The following NALF1 variants were observed in gnomAD, a reference collection of about 807,000 sequenced individuals.
The protein encoded by NALF1 is family with sequence similarity 155 member A.
NALF1 carries 3 observed loss-of-function variants against 48.4 expected under a neutral mutation model. That is an observed-to-expected ratio of 0.06 (90% CI 0.03 to 0.16). The LOEUF is 0.16. NALF1 is among the 10% of genes least tolerant of loss of function. The pLI is 1.00. For missense variants in NALF1, 526 were observed against 571.5 expected (o/e 0.92, Z 0.81); for synonymous variants, 262 against 245.7 (o/e 1.07, Z -0.62).
chr13:107,276,072 G>T (rs1410324778), intron 1 of NALF1, among the ~76,000 whole-genome samples: 4 of 152,092 alleles, frequency 2.6e-5, no homozygotes, highest in African/African-American at 9.7e-5. Context: ...CCAACTGGGA[G>T]CCACTACCTG....
At chr13:107,584,121 G>A (rs2138412621) in intron 1 of NALF1, among the ~76,000 whole-genome samples, 1 of 152,150 alleles carries the variant, frequency 6.6e-6, no homozygotes, top group South Asian at 2.1e-4. Flanking sequence ...CTATGACCTA[G>A]GGACTCTCAA....
In NALF1 at chr13:107,866,331, CGCTGCCTCTGCTGCTGCT is replaced by C; in HGVS notation, c.248_265del (p.Gln83_Gln88del). Reference sequence around the variant, plus strand: ...CCGCCGCTGCTGCTGCTGCTGCTGCCGCTGCCTCTGCTGCTGCTGCTGCTGCTGCTGCTGCCGCTGCTG... The same window carrying C: ...CCGCCGCTGCTGCTGCTGCTGCTGCCGCTGCTGCTGCTGCTGCCGCTGCTG... On this transcript the variant is annotated inframe_deletion, in exon 1 of 3. Coordinates refer to ENST00000375915, the MANE Select transcript of NALF1 (RefSeq NM_001080396.3). This position sits in a 1 kb window ranked among gnomAD's most constrained non-coding sequence, Gnocchi z 4.4. The C allele has an allele frequency of 6.2e-7, 1 of 1,608,944 alleles. No homozygotes were observed. The highest frequency in any genetic ancestry group is 8.5e-7 in the Non-Finnish European group (1 of 1,178,678).
At chr13:107,442,494 G>A (rs1594065345) in intron 1 of NALF1, among the ~76,000 whole-genome samples, 1 of 152,096 alleles carries the variant, frequency 6.6e-6, no homozygotes, top group East Asian at 1.9e-4. Flanking sequence ...ATGAAAATAG[G>A]CTTTTGTTCA....
At chr13:107,762,629 T>G (rs1031841849) in intron 1 of NALF1, among the ~76,000 whole-genome samples, 1 of 151,882 alleles carries the variant, frequency 6.6e-6, no homozygotes, top group Non-Finnish European at 1.5e-5. Context: ...GAGGAGTCAG[T>G]TCAAGGAAGT....
At chr13:107,747,270 C>G (rs573950406) in intron 1 of NALF1, among the ~76,000 whole-genome samples, 1 of 152,248 alleles carries the variant, frequency 6.6e-6, no homozygotes, top group South Asian at 2.1e-4. Context: ...TTCCCTTATC[C>G]CTACATGTTT....
At chr13:107,655,456 C>T (rs1010329918) in intron 1 of NALF1, among the ~76,000 whole-genome samples, 2 of 151,834 alleles carry the variant, frequency 1.3e-5, no homozygotes, top group African/African-American at 2.4e-5. Flanking sequence ...TAACCAAGGA[C>T]GTAAAAGACC....
Position 107,168,891 on chromosome 13 carries a change from C to G in NALF1, c.*1606G>C, listed in dbSNP as rs941577567. 6.6e-6 allele frequency: 1 copy of G among 152,570 alleles called. No individual in the cohort carries two copies. The highest frequency in any genetic ancestry group is 2.4e-5 in the African/African-American group (1 of 41,448). 9.5% of individuals were successfully genotyped at this position (152,570 alleles called of 1,614,324 possible). ...CCTTTTCTATGGATTTCCTTCATCT[C>G]TCAGTCACACTGCAAACTTATCTGA... On this transcript the variant is annotated 3_prime_UTR_variant, in exon 3 of 3. Coordinates refer to ENST00000375915, the MANE Select transcript of NALF1 (RefSeq NM_001080396.3).
chr13:107,260,747 T>C (rs1880913507), intron 1 of NALF1, among the ~76,000 whole-genome samples: 1 of 152,232 alleles, frequency 6.6e-6, no homozygotes, highest in Non-Finnish European at 1.5e-5. Context: ...AAATTACACA[T>C]GCTAGCTATC....
At position 107,434,200 on chromosome 13, in the gene NALF1, T is replaced by C. The variant is rs182053223; in HGVS notation, c.916-223445A>G. The stretch of plus-strand genomic sequence containing the variant: ...CTCTCATTTTATATTGAGTTGACCA[T>C]TATTGTGTTAAAATGCAAAGAAATC... On this transcript the variant is annotated intron_variant, in intron 1 of 2. Transcript: ENST00000375915. 4.6e-5 allele frequency among the ~76,000 whole-genome samples: 7 copies of C among 152,314 alleles called. No individual in the cohort carries two copies. In the East Asian group the frequency reaches 5.8e-4, roughly 13 times the overall value.
At chr13:107,815,719 A>G (rs944784026) in intron 1 of NALF1, among the ~76,000 whole-genome samples, 3 of 152,200 alleles carry the variant, frequency 2.0e-5, no homozygotes, top group African/African-American at 4.8e-5. Flanking sequence ...ATAGTAGCCC[A>G]AAAAGGTGAA....
intron 1 of NALF1, among the ~76,000 whole-genome samples, chr13:107,674,612 G>A (rs1482388601): frequency 2.0e-5 from 3 of 152,304 alleles, no homozygotes; most frequent in Admixed American, 1.3e-4. Context: ...TCAAGGGGCT[G>A]AGACTCCAGA....
At chr13:107,706,109 A>C (rs1594217290) in intron 1 of NALF1, among the ~76,000 whole-genome samples, 1 of 152,346 alleles carries the variant, frequency 6.6e-6, no homozygotes, top group East Asian at 1.9e-4. Flanking sequence ...ATTCAGCTTA[A>C]GTACACTTGT....
At chr13:107,400,666 T>C (rs983597812) in intron 1 of NALF1, among the ~76,000 whole-genome samples, 1 of 152,088 alleles carries the variant, frequency 6.6e-6, no homozygotes, top group African/African-American at 2.4e-5. Flanking sequence ...ATCGTGCCAC[T>C]GCACTCCAGC....
intron 1 of NALF1, among the ~76,000 whole-genome samples, chr13:107,767,852 A>G (rs563868558): frequency 3.9e-5 from 6 of 152,220 alleles, no homozygotes; most frequent in Admixed American, 6.5e-5. Flanking sequence ...AAATCTTTAA[A>G]GAGCGTTTCT....
At chr13:107,192,300 T>C (rs1169545810) in intron 2 of NALF1, among the ~76,000 whole-genome samples, 2 of 152,210 alleles carry the variant, frequency 1.3e-5, no homozygotes, top group Admixed American at 6.5e-5. Context: ...ATGAATAACA[T>C]GCACTGACAC....
At chr13:107,415,550 A>C (rs1884071001) in intron 1 of NALF1, among the ~76,000 whole-genome samples, 1 of 152,114 alleles carries the variant, frequency 6.6e-6, no homozygotes, top group Admixed American at 6.5e-5. Flanking sequence ...ATCCTGAAAA[A>C]AAATCTTAAA....
intron 1 of NALF1, among the ~76,000 whole-genome samples, chr13:107,420,592 G>C (rs1262653583): frequency 6.6e-6 from 1 of 152,126 alleles, no homozygotes; most frequent in Non-Finnish European, 1.5e-5. Context: ...CTCCACATAT[G>C]CCTTCATTTC....
chr13:107,752,789 T>C (rs1234114914), intron 1 of NALF1, among the ~76,000 whole-genome samples: 1 of 152,204 alleles, frequency 6.6e-6, no homozygotes. Context: ...AAGTAAGTCA[T>C]TGTATAATTG....
At chr13:107,797,289 T>G (rs1878456065) in intron 1 of NALF1, among the ~76,000 whole-genome samples, 1 of 152,234 alleles carries the variant, frequency 6.6e-6, no homozygotes. Context: ...CACTGCGAGC[T>G]CTGCTTCCCG....
Sources: allele counts gnomAD v4.1 joint callset (sites outside exome capture counted in the v4.1 genomes callset), GRCh38; gene constraint gnomAD v4.1.1; non-coding constraint Gnocchi (gnomAD v3.1); transcripts MANE v1.5; gene names NCBI Gene and HGNC (gene_info 2026-07-23, HGNC 2026-07-21).